The following ESRRG variants were observed in gnomAD, a reference collection of about 807,000 sequenced individuals.
ESRRG encodes estrogen-related receptor gamma.
Under a neutral mutation model 44.0 loss-of-function variants are expected in ESRRG, and 13 were observed. The observed-to-expected ratio is 0.30, with a 90% confidence interval of 0.19 to 0.47. The LOEUF (loss-of-function observed/expected upper bound fraction) is 0.47, where lower values mean the gene tolerates loss of function less well. Among genes scored for constraint, ESRRG ranks in the 20% least tolerant of loss-of-function variants. ESRRG has a pLI of 1.00. For missense variants in ESRRG, 395 were observed against 580.6 expected (o/e 0.68, Z 3.29); for synonymous variants, 215 against 214.6 (o/e 1.00, Z -0.02).
At chr1:216,705,501 C>A (rs2082276727) in intron 1 of ESRRG, among the ~76,000 whole-genome samples, 1 of 152,064 alleles carries the variant, frequency 6.6e-6, no homozygotes, top group African/African-American at 2.4e-5. Context: ...AGTTACACTT[C>A]CGTTGAAAGT....
intron 5 of ESRRG, among the ~76,000 whole-genome samples, chr1:216,558,188 C>T (rs1162110106): frequency 6.6e-6 from 1 of 152,116 alleles, no homozygotes; most frequent in African/African-American, 2.4e-5. Flanking sequence ...TTGTTTCCAG[C>T]AAGGGTAGCT....
chr1:216,932,810 C>T (rs892248994), intron 2 of ESRRG, among the ~76,000 whole-genome samples: 2 of 148,332 alleles, frequency 1.3e-5, no homozygotes, highest in South Asian at 2.2e-4. Context: ...TCAAGCAATC[C>T]TCCCACTTTG....
chr1:217,125,638 GTAAAAC>G (rs1208119548), intron 1 of ESRRG, among the ~76,000 whole-genome samples: 4 of 152,098 alleles, frequency 2.6e-5, no homozygotes, highest in African/African-American at 9.7e-5. Context: ...AACCAGCTTT[GTAAAAC>G]TATATGATAA....
At chr1:216,592,410 G>T (rs1312249035) in intron 3 of ESRRG, among the ~76,000 whole-genome samples, 1 of 151,958 alleles carries the variant, frequency 6.6e-6, no homozygotes, top group Non-Finnish European at 1.5e-5. Context: ...ACCTCCAGTG[G>T]ATCTTGATTT....
chr1:216,864,589 C>T (rs192759735), intron 2 of ESRRG: 174 of 151,972 alleles, frequency 1.1e-3, no homozygotes, highest in African/African-American at 4.1e-3. Flanking sequence ...AACCAAAACA[C>T]TTTACTGAAA....
chr1:217,029,889 T>C (rs1467081304), intron 1 of ESRRG, among the ~76,000 whole-genome samples: 2 of 152,222 alleles, frequency 1.3e-5, no homozygotes, highest in Non-Finnish European at 2.9e-5. Flanking sequence ...AGGTTACTTA[T>C]AAAGCAATGA....
chr1:216,705,226 A>G (rs1449329839), intron 1 of ESRRG, among the ~76,000 whole-genome samples: 2 of 152,176 alleles, frequency 1.3e-5, no homozygotes, highest in Non-Finnish European at 2.9e-5. Flanking sequence ...GTTAGTATAT[A>G]TTAATATATA....
At chr1:216,791,189 T>C (rs1478917877) in intron 2 of ESRRG, among the ~76,000 whole-genome samples, 1 of 152,094 alleles carries the variant, frequency 6.6e-6, no homozygotes, top group Non-Finnish European at 1.5e-5. Flanking sequence ...GTGGGAGATG[T>C]TTGGATCATG....
At chr1:216,783,241 G>A (rs1349078660) in intron 2 of ESRRG, among the ~76,000 whole-genome samples, 1 of 151,854 alleles carries the variant, frequency 6.6e-6, no homozygotes, top group Non-Finnish European at 1.5e-5. Flanking sequence ...TATTCCCTTA[G>A]AACAACACAT....
chr1:216,885,189 T>A (rs1042567263), intron 2 of ESRRG, among the ~76,000 whole-genome samples: 4 of 149,906 alleles, frequency 2.7e-5, no homozygotes, highest in African/African-American at 1.0e-4. Flanking sequence ...TAAATAAAAA[T>A]AGAATTATAT....
intron 1 of ESRRG, among the ~76,000 whole-genome samples, chr1:217,100,406 G>A (rs1490062644): frequency 6.6e-6 from 1 of 152,176 alleles, no homozygotes; most frequent in African/African-American, 2.4e-5. Context: ...TCTGTTAGGT[G>A]CCCTTTGACA....
intron 2 of ESRRG, among the ~76,000 whole-genome samples, chr1:216,854,730 AC>A (rs1357977949): frequency 6.6e-6 from 1 of 152,118 alleles, no homozygotes; most frequent in East Asian, 1.9e-4. Flanking sequence ...AAAGTAGCTC[AC>A]TTTCTCTGTT....
At chr1:216,711,943 C>A (rs1036280572) in intron 1 of ESRRG, among the ~76,000 whole-genome samples, 1 of 152,138 alleles carries the variant, frequency 6.6e-6, no homozygotes, top group Non-Finnish European at 1.5e-5. Context: ...AAAATGGCAA[C>A]TTCACATGAT....
At chr1:216,881,479 G>A (rs1000966315) in intron 2 of ESRRG, among the ~76,000 whole-genome samples, 1 of 152,110 alleles carries the variant, frequency 6.6e-6, no homozygotes, top group African/African-American at 2.4e-5. Context: ...AATTAAGGGG[G>A]AGTGGGGATG....
intron 2 of ESRRG, among the ~76,000 whole-genome samples, chr1:216,793,508 A>T (rs2094384781): frequency 6.6e-6 from 1 of 152,138 alleles, no homozygotes; most frequent in Admixed American, 6.6e-5. Flanking sequence ...CTCCAGCTAC[A>T]GCCACATGAG....
chr1:217,118,453 T>C (rs2092768622), intron 1 of ESRRG, among the ~76,000 whole-genome samples: 1 of 152,090 alleles, frequency 6.6e-6, no homozygotes, highest in South Asian at 2.1e-4. Flanking sequence ...ATCAATATGA[T>C]TGGGCCATCA....
intron 2 of ESRRG, among the ~76,000 whole-genome samples, chr1:216,829,421 T>C (rs1483277772): frequency 1.3e-5 from 2 of 152,282 alleles, no homozygotes; most frequent in Middle Eastern, 3.4e-3. Flanking sequence ...ATAAGTTAGA[T>C]ACTATTATTC....
rs562239906 is a variant in ESRRG at position 216,927,658 on chromosome 1, G to A, written c.-14+11924C>T. Among the ~76,000 whole-genome samples, 228 of 152,284 alleles carry A rather than the reference G, an allele frequency of 1.5e-3. 1 individual carries two copies. Among genetic ancestry groups the A allele is most frequent in the African/African-American group, 5.1e-3 (211 of 41,568 alleles). ...AGGTTGAGCTTGATGGCTAAGGCAC[G>A]CCATAGGCCCCTCTCTGCAGGCTGA... On this transcript the variant is annotated intron_variant, in intron 2 of 7. Coordinates refer to the ESRRG transcript ENST00000359162.
chr1:216,640,626 T>A (rs936287016), intron 3 of ESRRG, among the ~76,000 whole-genome samples: 1 of 151,976 alleles, frequency 6.6e-6, no homozygotes, highest in Non-Finnish European at 1.5e-5. Context: ...ACCTGATATA[T>A]TAGTAGGTGG....
Sources: allele counts gnomAD v4.1 joint callset (sites outside exome capture counted in the v4.1 genomes callset), GRCh38; gene constraint gnomAD v4.1.1; transcripts MANE v1.5; gene names NCBI Gene and HGNC (gene_info 2026-07-23, HGNC 2026-07-21).